The following NLRC5 variants were observed in gnomAD, a reference collection of about 807,000 sequenced individuals.
The protein encoded by NLRC5 is NLR family CARD domain containing 5, also known as protein NLRC5.
NLRC5 carries 114 observed loss-of-function variants against 206.9 expected under a neutral mutation model. The ratio of observed to expected loss-of-function variants is 0.55; its 90% CI spans 0.47 to 0.64. NLRC5 has a LOEUF of 0.64. Ranked by LOEUF, NLRC5 falls within the 30% of genes least tolerant of loss-of-function variation. The probability of loss-of-function intolerance (pLI) is 0.00; values close to 1 mark genes in which losing one functional copy is unlikely to be tolerated. For missense variants in NLRC5, 2,008 were observed against 2,305.5 expected, an observed-to-expected ratio of 0.87 and a Z score of 2.64; for synonymous variants, 952 against 962.8, an observed-to-expected ratio of 0.99 and a Z score of 0.21.
chr16:57,019,355 C>T (rs2060421060), intron 2 of NLRC5, among the ~76,000 whole-genome samples: 1 of 152,122 alleles, frequency 6.6e-6, no homozygotes, highest in Non-Finnish European at 1.5e-5. Flanking sequence ...CGAGATTGCA[C>T]CATTGCACTC....
chr16:56,994,913 G>A (rs549912573), intron 1 of NLRC5, among the ~76,000 whole-genome samples: 2 of 152,260 alleles, frequency 1.3e-5, no homozygotes, highest in East Asian at 3.9e-4. Context: ...AGTGGCTCAC[G>A]CCTGTAATTC....
chr16:57,073,841 G>A (rs1441922831), intron 38 of NLRC5, among the ~76,000 whole-genome samples: 2 of 152,184 alleles, frequency 1.3e-5, no homozygotes, highest in Admixed American at 6.5e-5. Flanking sequence ...TGATTCACCC[G>A]CCTTGGCCTC....
intron 1 of NLRC5, among the ~76,000 whole-genome samples, chr16:56,998,017 T>C (rs560305306): frequency 6.6e-6 from 1 of 152,180 alleles, no homozygotes; most frequent in Admixed American, 6.5e-5. Flanking sequence ...TAAGTCAGTT[T>C]TGGGTCAGTG....
chr16:57,039,719 A>G (rs1341620768), intron 15 of NLRC5, 62 bp from the exon 16 acceptor site: 8 of 1,488,250 alleles, frequency 5.4e-6, no homozygotes, highest in Admixed American at 3.4e-5. Context: ...CTTCTCTCAA[A>G]AAGAAATAGT....
intron 1 of NLRC5, among the ~76,000 whole-genome samples, chr16:56,997,026 T>C (rs879590918): frequency 2.6e-5 from 4 of 152,156 alleles, no homozygotes; most frequent in African/African-American, 7.2e-5. Context: ...CACACCACTA[T>C]GCCAGGCTAA....
rs140605791 is a variant in NLRC5 at position 57,055,939 on chromosome 16, C to A, written c.3746+420C>A. On this transcript the variant is annotated intron_variant, in intron 27 of 48. Transcript: ENST00000688547. ...TGTTGAGATGTGGTATCTGCGTGGC[C>A]TGTCTTGGATATTCAAATAGTCAGC... Among the ~76,000 whole-genome samples the A allele has an allele frequency of 3.2e-3, 487 of 152,328 alleles. 5 individuals carry two copies. The highest frequency in any genetic ancestry group is 0.011 in the African/African-American group (454 of 41,574).
At position 57,026,691 on chromosome 16, in the gene NLRC5, G is replaced by C; in HGVS notation, c.1748G>C (p.Gly583Ala). ...CCCTTCCTTAGCCACCTGGCGCAGGGCAATGAGGACTGTGTGGGTGCCAAG... is the reference window on the plus strand; with the variant it reads ...CCCTTCCTTAGCCACCTGGCGCAGGCCAATGAGGACTGTGTGGGTGCCAAG... Reference protein sequence around the residue: ...CRPFLSHLAQGNEDCVGAKQA... With the variant: ...CRPFLSHLAQANEDCVGAKQA... The change falls in exon 6 of 49, where the codon GGC becomes GCC. Residue 583 changes from glycine (G) to alanine (A), a missense_variant. Transcript: ENST00000688547. The C allele has an allele frequency of 1.2e-6, 2 of 1,614,074 alleles. No homozygotes were observed. Among genetic ancestry groups the C allele is most frequent in the Non-Finnish European group, 1.7e-6 (2 of 1,179,950 alleles).
chr16:57,058,137 C>T lies in NLRC5; in HGVS notation c.3819C>T (p.Ser1273=), dbSNP rs367867217. 1.2e-5 allele frequency: 20 copies of T among 1,608,020 alleles called. No individual in the cohort carries two copies. Among genetic ancestry groups the T allele is most frequent in the Admixed American group, 8.4e-5 (5 of 59,510 alleles). ...AATGTCTGCCGCAGGTGCCCATCTC[C>T]GGTTTGCTTGAGTAAGTGGAAAGCA... ...LLECLPQVPI[S]GLLDLSHNSI... is the part of the protein sequence containing the mutation. The change falls in exon 28 of 49, where the codon TCC becomes TCT. Residue 1273 remains serine (S), a synonymous_variant. Transcript: ENST00000688547.
chr16:57,036,451 C>T (rs2062587138), intron 14 of NLRC5, among the ~76,000 whole-genome samples: 1 of 152,094 alleles, frequency 6.6e-6, no homozygotes, highest in Non-Finnish European at 1.5e-5. Flanking sequence ...TTGTAGCTGC[C>T]CTGGAGCACG....
chr16:57,078,476 T>TGTTTTTG lies in NLRC5; in HGVS notation c.5081+456_5081+457insGTTTTTG, dbSNP rs576502350. 3.2e-4 allele frequency among the ~76,000 whole-genome samples: 46 copies of TGTTTTTG among 144,590 alleles called. No individual in the cohort carries two copies. In the South Asian group the frequency reaches 9.9e-3, roughly 31 times the overall value. The allele number at this position is 144,590 out of a possible 152,430, so 94.9% of individuals were successfully genotyped here. A position where few individuals can be genotyped will look rare whatever the true frequency, so the allele number is the denominator to read the frequency against. On this transcript the variant is annotated intron_variant, in intron 43 of 48. Coordinates refer to ENST00000688547, the MANE Select transcript of NLRC5 (RefSeq NM_001384950.1). ...GAGTGCTGGGACCTTGTTTTTTTTT[T>TGTTTTTG]TTTTTTTTTTTTTTAGATGGAGTCT...
intron 1 of NLRC5, chr16:57,004,626 A>G (rs1304433263): frequency 6.6e-6 from 1 of 152,322 alleles, no homozygotes; most frequent in Admixed American, 6.5e-5. Context: ...ATGTGTGTGC[A>G]CGTGCATGTG....
At chr16:57,066,270 A>C (rs2067070254) in intron 33 of NLRC5, among the ~76,000 whole-genome samples, 1 of 151,956 alleles carries the variant, frequency 6.6e-6, no homozygotes, top group Middle Eastern at 3.2e-3. Flanking sequence ...CCACCACTGC[A>C]CTTCAGCCTG....
intron 40 of NLRC5, 108 bp downstream of exon 40, chr16:57,077,010 C>A: frequency 1.0e-6 from 1 of 974,482 alleles, no homozygotes; most frequent in Non-Finnish European, 1.6e-6. Flanking sequence ...TCATCTCCTT[C>A]ACCCACTTCT....
rs2063816583 is a variant in NLRC5 at position 57,045,473 on chromosome 16, AGAG to A, written c.3231_3233del (p.Gly1078del). On this transcript the variant is annotated inframe_deletion, in exon 21 of 49. Transcript: ENST00000688547. ...CTTTGAAAGCCAACACATCCTCCTG[AGAG>A]GGGACAAGACAAGCAGGTGAGGAGG... 6.2e-7 allele frequency: 1 copy of A among 1,613,914 alleles called. No individual in the cohort carries two copies. The highest frequency in any genetic ancestry group is 1.3e-5 in the African/African-American group (1 of 74,900).
intron 20 of NLRC5, among the ~76,000 whole-genome samples, chr16:57,044,027 G>A (rs1300167278): frequency 1.3e-5 from 2 of 151,884 alleles, no homozygotes; most frequent in African/African-American, 4.8e-5. Context: ...GGCCAGGCGC[G>A]GTGGCTCACG....
chr16:57,051,674 G>T (rs1446828921), intron 24 of NLRC5, 53 bp downstream of exon 24: 4 of 1,447,878 alleles, frequency 2.8e-6, no homozygotes, highest in Non-Finnish European at 3.9e-6. Context: ...TGTTTCTAAG[G>T]CTCCTCCATG....
chr16:57,010,006 A>G (rs1399393076), intron 1 of NLRC5, among the ~76,000 whole-genome samples: 3 of 152,200 alleles, frequency 2.0e-5, no homozygotes, highest in Admixed American at 2.0e-4. Flanking sequence ...AGGCCATAGC[A>G]GTAGAGGAAG....
intron 24 of NLRC5, among the ~76,000 whole-genome samples, chr16:57,054,490 G>A (rs1485967668): frequency 6.6e-6 from 1 of 152,158 alleles, no homozygotes; most frequent in Non-Finnish European, 1.5e-5. Context: ...CATACATGAC[G>A]AGTCTTGATT....
chr16:57,060,897 G>A (rs529521293), intron 30 of NLRC5, among the ~76,000 whole-genome samples: 5 of 152,318 alleles, frequency 3.3e-5, no homozygotes, highest in East Asian at 3.9e-4. Flanking sequence ...GGCTGGGCCC[G>A]TCTGCTGGCC....
Sources: allele counts gnomAD v4.1 joint callset (sites outside exome capture counted in the v4.1 genomes callset), GRCh38; gene constraint gnomAD v4.1.1; transcripts MANE v1.5; gene names NCBI Gene and HGNC (gene_info 2026-07-23, HGNC 2026-07-21).